The following HPSE2 variants were observed in gnomAD, a reference collection of about 807,000 sequenced individuals.
The protein encoded by HPSE2 is inactive heparanase-2.
Under a neutral mutation model 60.5 loss-of-function variants are expected in HPSE2, and 38 were observed. The observed-to-expected ratio is 0.63, with a 90% CI of 0.48 to 0.82. The LOEUF (loss-of-function observed/expected upper bound fraction) is 0.82. Ranked by LOEUF, HPSE2 falls within the 40% of genes least tolerant of loss-of-function variation. HPSE2 has a pLI of 0.00. For missense variants in HPSE2, 713 were observed against 740.4 expected, an observed-to-expected ratio of 0.96 and a Z score of 0.43; for synonymous variants, 295 against 293.2, an observed-to-expected ratio of 1.01 and a Z score of -0.06.
rs2136412807 is a variant in HPSE2, at chr10:98,459,416, G to T, written c.*158C>A. Reference sequence around the variant, plus strand: ...CCTACCTAGGCTAAGATCACGCTATGACATTTAGTCTCTTTGGAGAGCAAG... The same window carrying T: ...CCTACCTAGGCTAAGATCACGCTATTACATTTAGTCTCTTTGGAGAGCAAG... On this transcript the variant is annotated 3_prime_UTR_variant, in exon 12 of 12. Transcript: ENST00000370552. The T allele has an allele frequency of 1.2e-6, 1 of 842,832 alleles. No homozygotes were observed. The highest frequency in any genetic ancestry group is 2.0e-6 in the Non-Finnish European group (1 of 496,826). 52.2% of individuals were successfully genotyped at this position (842,832 alleles called of 1,614,324 possible). A position where few individuals can be genotyped will look rare whatever the true frequency, so the allele number is the denominator to read the frequency against.
intron 3 of HPSE2, among the ~76,000 whole-genome samples, chr10:99,054,500 T>C (rs944000929): frequency 1.3e-5 from 2 of 152,096 alleles, no homozygotes; most frequent in Non-Finnish European, 2.9e-5. Flanking sequence ...GAGACACAGT[T>C]TGCAAGTTAA....
At chr10:98,512,696 C>T (rs1342222621) in intron 9 of HPSE2, among the ~76,000 whole-genome samples, 4 of 151,936 alleles carry the variant, frequency 2.6e-5, no homozygotes, top group Non-Finnish European at 5.9e-5. Context: ...CTCTATCTGG[C>T]CTTTCATGCT....
intron 6 of HPSE2, among the ~76,000 whole-genome samples, chr10:98,674,590 T>A (rs1253809949): frequency 2.0e-5 from 3 of 152,240 alleles, no homozygotes; most frequent in Non-Finnish European, 4.4e-5. Flanking sequence ...TGTTTTCATC[T>A]CAAGATTGTG....
In HPSE2 at chr10:99,235,622, T is replaced by C; in HGVS notation, c.181A>G (p.Ile61Val). Residue 61 changes from isoleucine (I) to valine (V), a missense_variant, in exon 1 of 12, where the codon ATT becomes GTT. Coordinates refer to ENST00000370552, the MANE Select transcript of HPSE2 (RefSeq NM_021828.5). ...RAAGLKEKTLILLDVSTKNPV... is the reference protein window; with the variant it reads ...RAAGLKEKTLVLLDVSTKNPV... ...TTCTTGGTGCTCACATCAAGTAGAA[T>C]CAGGGTCTTTTCCTTCAAACCTGCA... The C allele has an allele frequency of 6.2e-7, 1 of 1,614,054 alleles. No individual in the cohort carries two copies. The highest frequency in any genetic ancestry group is 8.5e-7 in the Non-Finnish European group (1 of 1,180,008).
chr10:99,223,258 T>G (rs1849369966), intron 2 of HPSE2, among the ~76,000 whole-genome samples: 1 of 152,200 alleles, frequency 6.6e-6, no homozygotes, highest in Admixed American at 6.5e-5. Context: ...ATGGAAGGAT[T>G]AATGTATTAA....
At chr10:98,800,264 G>T (rs979941958) in intron 3 of HPSE2, among the ~76,000 whole-genome samples, 5 of 151,944 alleles carry the variant, frequency 3.3e-5, no homozygotes, top group Middle Eastern at 3.4e-3. Context: ...AGCTACTCAG[G>T]AGCCTGAGTT....
chr10:98,551,190 T>G (rs1343411259), intron 9 of HPSE2, among the ~76,000 whole-genome samples: 1 of 152,092 alleles, frequency 6.6e-6, no homozygotes, highest in Non-Finnish European at 1.5e-5. Context: ...TTATTTTGTA[T>G]GTGGGATTGG....
At chr10:98,930,816 G>T (rs1482102637) in intron 3 of HPSE2, among the ~76,000 whole-genome samples, 1 of 143,860 alleles carries the variant, frequency 7.0e-6, no homozygotes, top group Non-Finnish European at 1.5e-5. Flanking sequence ...TTTTGATGGG[G>T]TTGTTTTTTG....
intron 3 of HPSE2, among the ~76,000 whole-genome samples, chr10:98,957,985 GAAGA>G (rs2074405196): frequency 6.6e-6 from 1 of 152,260 alleles, no homozygotes; most frequent in South Asian, 2.1e-4. Flanking sequence ...TCTGCAGAGA[GAAGA>G]AAGGGAACAG....
intron 2 of HPSE2, among the ~76,000 whole-genome samples, chr10:99,171,564 G>A (rs1847310668): frequency 1.3e-5 from 2 of 152,088 alleles, no homozygotes; most frequent in African/African-American, 4.8e-5. Context: ...AACCTTATAA[G>A]AAAATTAGTT....
chr10:98,931,642 T>C (rs753218657), intron 3 of HPSE2, among the ~76,000 whole-genome samples: 2 of 143,916 alleles, frequency 1.4e-5, no homozygotes, highest in African/African-American at 2.8e-5. Context: ...TCTGATTTGC[T>C]TGAGCAGTGG....
At chr10:98,984,019 G>A (rs971600509) in intron 3 of HPSE2, among the ~76,000 whole-genome samples, 23 of 152,164 alleles carry the variant, frequency 1.5e-4, no homozygotes, top group African/African-American at 4.8e-4. Flanking sequence ...TGGAGCCCAC[G>A]GCAGCTCAAG....
chr10:99,150,567 C>T (rs779500739), intron 2 of HPSE2, among the ~76,000 whole-genome samples: 98 of 152,160 alleles, frequency 6.4e-4, no homozygotes, highest in African/African-American at 2.2e-3. Context: ...ACAATCCTCC[C>T]GCCTCAGCCT....
At chr10:98,473,484 CAAAAAAAAAA>C (rs752065277) in intron 11 of HPSE2, among the ~76,000 whole-genome samples, 11 of 44,286 alleles carry the variant, frequency 2.5e-4, no homozygotes, top group Non-Finnish European at 3.9e-4. Flanking sequence ...GACTCTGTCT[CAAAAAAAAAA>C]AAAAAAAAAA....
chr10:98,885,705 TG>T (rs1421549129), intron 3 of HPSE2, among the ~76,000 whole-genome samples: 1 of 152,132 alleles, frequency 6.6e-6, no homozygotes, highest in African/African-American at 2.4e-5. Flanking sequence ...AATTAATGTA[TG>T]TACTTTTTAA....
intron 3 of HPSE2, among the ~76,000 whole-genome samples, chr10:99,114,915 A>AAAAAG (rs1428143393): frequency 6.6e-6 from 1 of 151,534 alleles, no homozygotes; most frequent in Non-Finnish European, 1.5e-5. Flanking sequence ...AAAAAAAAAA[A>AAAAAG]AAAAGAAGAA....
Position 98,490,172 on chromosome 10 carries a change from T to G in HPSE2, c.1345A>C (p.Lys449Gln). ...AAGACTTTGGGGCCGATCAGGCGCT[T>G]GTAGAGGAGAGAGAGCCAGTAGTCC... ...LPDYWLSLLY[K>Q]RLIGPKVLAV... is the part of the protein sequence containing the mutation. Residue 449 changes from lysine to glutamine, a missense_variant, in exon 10 of 12, where the codon AAG (lysine) becomes CAG (glutamine). By Grantham distance (53) the Lys-to-Gln change is moderately conservative. Coordinates refer to ENST00000370552, the MANE Select transcript of HPSE2 (RefSeq NM_021828.5). 1.2e-6 allele frequency: 2 copies of G among 1,614,034 alleles called. No individual in the cohort carries two copies. The highest frequency in any genetic ancestry group is 1.7e-6 in the Non-Finnish European group (2 of 1,180,006).
intron 5 of HPSE2, among the ~76,000 whole-genome samples, chr10:98,713,573 T>C (rs556304583): frequency 6.6e-6 from 1 of 152,096 alleles, no homozygotes; most frequent in South Asian, 2.1e-4. Flanking sequence ...GATGCTGTGG[T>C]CAAAAAAATT....
intron 3 of HPSE2, among the ~76,000 whole-genome samples, chr10:98,978,137 C>T (rs1417249960): frequency 6.6e-6 from 1 of 152,030 alleles, no homozygotes; most frequent in Non-Finnish European, 1.5e-5. Context: ...TCACTACTAT[C>T]AGATTTGTTA....
Sources: allele counts gnomAD v4.1 joint callset (sites outside exome capture counted in the v4.1 genomes callset), GRCh38; gene constraint gnomAD v4.1.1; transcripts MANE v1.5; gene names NCBI Gene and HGNC (gene_info 2026-07-23, HGNC 2026-07-21).